Variants in MTOR observed in about 807,000 individuals in gnomAD.
MTOR encodes serine/threonine-protein kinase mTOR.
Under a neutral mutation model 319.8 loss-of-function variants are expected in MTOR, and 70 were observed. The ratio of observed to expected loss-of-function variants is 0.22; its 90% CI spans 0.18 to 0.27. The LOEUF (loss-of-function observed/expected upper bound fraction) is 0.27, where lower values mean the gene tolerates loss of function less well. Ranked by LOEUF, MTOR falls within the 10% of genes least tolerant of loss-of-function variation. MTOR has a pLI of 1.00. For missense variants in MTOR, 1,890 were observed against 3,274.4 expected (o/e 0.58, Z 10.32); for synonymous variants, 1,183 against 1,211.4 (o/e 0.98, Z 0.49).
intron 29 of MTOR, among the ~76,000 whole-genome samples, chr1:11,161,931 G>A (rs932491936): frequency 1.3e-5 from 2 of 152,206 alleles, no homozygotes; most frequent in Non-Finnish European, 2.9e-5. Context: ...AAAGCTGGAC[G>A]GAGAACAACT....
chr1:11,209,982 C>A (rs776668186), intron 24 of MTOR, among the ~76,000 whole-genome samples: 2 of 151,962 alleles, frequency 1.3e-5, no homozygotes, highest in African/African-American at 2.4e-5. Flanking sequence ...ATTCTCTTGC[C>A]TGAGCCTCCT....
chr1:11,167,329 G>C (rs1180695279), intron 29 of MTOR, 113 bp downstream of exon 29: 1 of 784,716 alleles, frequency 1.3e-6, no homozygotes, highest in Non-Finnish European at 2.2e-6. Context: ...GCATCAGACT[G>C]TTATGAATTG....
At chr1:11,185,249 C>T (rs1645276376) in intron 28 of MTOR, among the ~76,000 whole-genome samples, 1 of 139,440 alleles carries the variant, frequency 7.2e-6, no homozygotes, top group African/African-American at 2.6e-5. Context: ...ATCAGAGAGA[C>T]TTTTTTTTTT....
At chr1:11,165,865 C>T (rs1421508701) in intron 29 of MTOR, among the ~76,000 whole-genome samples, 1 of 152,022 alleles carries the variant, frequency 6.6e-6, no homozygotes, top group Non-Finnish European at 1.5e-5. Flanking sequence ...CTACAGTAAC[C>T]AAACAGCATG....
At chr1:11,167,226 C>G (rs905888129) in intron 29 of MTOR, among the ~76,000 whole-genome samples, 2 of 151,494 alleles carry the variant, frequency 1.3e-5, no homozygotes, top group African/African-American at 4.9e-5. Context: ...CACATGTACC[C>G]TAGAACTTAA....
rs189118799 is a variant in MTOR at position 11,239,497 on chromosome 1, C to T, written c.1786+806G>A. 1.9e-3 allele frequency among the ~76,000 whole-genome samples: 282 copies of T among 149,756 alleles called. 3 individuals are homozygous for T. The highest frequency in any genetic ancestry group is 6.9e-3 in the African/African-American group (272 of 39,162). ...TTCCCCACATTCTTGACCAATACTA[C>T]CTATATGATCTTAAATTTCAAAAGT... is the stretch of plus-strand genomic sequence containing the variant. On this transcript the variant is annotated intron_variant, in intron 11 of 57. Transcript: ENST00000361445.
Position 11,257,795 on chromosome 1 carries a change from G to A in MTOR, c.272-630C>T, listed in dbSNP as rs377281252. 3.2e-4 allele frequency among the ~76,000 whole-genome samples: 49 copies of A among 152,162 alleles called. No individual in the cohort carries two copies. In the South Asian group the frequency reaches 8.1e-3, roughly 25 times the overall value. ...CTGGATAATAATTCACAGGACTGAT[G>A]ACCAGTCCTTAGAAGTTAAAAATGA... On this transcript the variant is annotated intron_variant, in intron 3 of 57. Transcript: ENST00000361445.
At chr1:11,194,953 G>A in intron 28 of MTOR, 1 of 1,614,104 alleles carries the variant, frequency 6.2e-7, no homozygotes, top group African/African-American at 1.3e-5. Context: ...ACCTGGTATG[G>A]CTGGCATGGA....
In MTOR at chr1:11,146,750, G is replaced by A. The variant is rs202187935; in HGVS notation, c.4612C>T (p.Arg1538Trp). 9 of 1,614,086 alleles carry A rather than the reference G, an allele frequency of 5.6e-6. No individual in the cohort carries two copies. The Admixed American group carries it at 1.0e-4, about 18-fold the overall frequency. ...SMEEYTCMIP[R>W]DTHDGAFYRA... ...TAAAATGCCCCATCATGGGTGTCCCGAGGGATCATACAGGTGTATTCTTCC... is the reference window on the plus strand; with the variant it reads ...TAAAATGCCCCATCATGGGTGTCCCAAGGGATCATACAGGTGTATTCTTCC... The change falls in exon 32 of 58, where the codon CGG (arginine) becomes TGG (tryptophan). Residue 1538 changes from arginine to tryptophan, a missense_variant. By Grantham distance (101) the Arg-to-Trp change is moderately radical. Coordinates refer to ENST00000361445, the MANE Select transcript of MTOR (RefSeq NM_004958.4).
intron 31 of MTOR, 125 bp from the exon 32 acceptor site, chr1:11,146,916 C>G: frequency 1.5e-6 from 1 of 683,054 alleles, no homozygotes; most frequent in Non-Finnish European, 2.6e-6. Flanking sequence ...GACAAATAAA[C>G]TTGAGCCTCA....
chr1:11,110,279 G>A (rs945753732), intron 54 of MTOR, among the ~76,000 whole-genome samples: 15 of 152,218 alleles, frequency 9.9e-5, no homozygotes, highest in African/African-American at 3.6e-4. Context: ...AAGTCCTCAG[G>A]TGTTAGGTTC....
At chr1:11,154,077 A>AAAAAAAAAAAAAAC (rs1644240297) in intron 30 of MTOR, among the ~76,000 whole-genome samples, 1 of 131,818 alleles carries the variant, frequency 7.6e-6, no homozygotes, top group Non-Finnish European at 1.5e-5. Context: ...TCAAAAAAAA[A>AAAAAAAAAAAAAAC]AAAAAAAAAA....
At chr1:11,254,095 A>G (rs1650048616) in intron 5 of MTOR, 122 bp from the exon 6 acceptor site, 1 of 1,115,886 alleles carries the variant, frequency 9.0e-7, no homozygotes, top group Non-Finnish European at 1.3e-6. Context: ...GCCTAGTGCC[A>G]GTCATCAACA....
At chr1:11,213,966 TA>T (rs1300996986) in intron 20 of MTOR, among the ~76,000 whole-genome samples, 1 of 152,232 alleles carries the variant, frequency 6.6e-6, no homozygotes, top group African/African-American at 2.4e-5. Flanking sequence ...ATAGCAGTTG[TA>T]AGACTTCCTT....
At position 11,209,606 on chromosome 1, in the gene MTOR, A is replaced by G. The variant is rs561289138; in HGVS notation, c.3655-148T>C. The stretch of plus-strand genomic sequence containing the variant: ...GTTGCACATATGGACAAAATGAACC[A>G]CAGATGGGCTGACTCCCCAACTGTA... On this transcript the variant is annotated intron_variant, in intron 24 of 57. Transcript: ENST00000361445. 1.0e-4 allele frequency: 87 copies of G among 864,914 alleles called. No individual in the cohort carries two copies. In the African/African-American group the frequency reaches 1.4e-3, roughly 14 times the overall value. The allele number at this position is 864,914 out of a possible 1,614,324, so 53.6% of individuals were successfully genotyped here.
At chr1:11,262,251 G>A (rs1651238930) in intron 1 of MTOR, among the ~76,000 whole-genome samples, 194 bp downstream of exon 1, 1 of 152,246 alleles carries the variant, frequency 6.6e-6, no homozygotes, top group South Asian at 2.1e-4. Context: ...GGGTCTCTTG[G>A]GGGTCCCGGG....
intron 34 of MTOR, among the ~76,000 whole-genome samples, chr1:11,142,356 T>C (rs941248845): frequency 1.3e-5 from 2 of 152,152 alleles, no homozygotes; most frequent in African/African-American, 4.8e-5. Context: ...TGGCGCAATC[T>C]TGGCTCACTG....
chr1:11,192,394 C>T, intron 28 of MTOR: 2 of 1,555,344 alleles, frequency 1.3e-6, no homozygotes, highest in East Asian at 2.2e-5. Flanking sequence ...AGTCACTGGC[C>T]ATGCCCTAAT....
chr1:11,187,840 T>C (rs1200608770), intron 28 of MTOR, among the ~76,000 whole-genome samples: 2 of 152,206 alleles, frequency 1.3e-5, no homozygotes, highest in African/African-American at 4.8e-5. Flanking sequence ...CAGTGCCAAT[T>C]CTCAACAGAA....
Sources: gnomAD v4.1 joint callset for allele counts (sites outside exome capture counted in the v4.1 genomes callset) on GRCh38, gnomAD v4.1.1 for gene constraint, MANE v1.5 for transcripts, NCBI Gene and HGNC (gene_info 2026-07-23, HGNC 2026-07-21) for gene names.